PLD1: variants seen among roughly 807,000 people sequenced by gnomAD.
The protein encoded by PLD1 is phospholipase D1, also known as choline phosphatase 1.
PLD1 carries 112 observed loss-of-function variants against 137.1 expected under a neutral mutation model. The ratio of observed to expected loss-of-function variants is 0.82; its 90% CI spans 0.70 to 0.96. PLD1 has a LOEUF of 0.96. Ranked by LOEUF, PLD1 falls within the 40% of genes least tolerant of loss-of-function variation. The pLI is 0.00. For synonymous variants in PLD1, 431 were observed against 454.7 expected (o/e 0.95, Z 0.66); for missense variants, 1,321 against 1,342.0 (o/e 0.98, Z 0.24).
At chr3:171,789,122 G>A (rs954041092) in intron 1 of PLD1, 2 of 152,280 alleles carry the variant, frequency 1.3e-5, no homozygotes, top group Non-Finnish European at 1.5e-5. Flanking sequence ...AGCATGCTAA[G>A]AAAATGGTGG....
chr3:171,689,336 T>C (rs1452387789), intron 13 of PLD1, among the ~76,000 whole-genome samples: 1 of 152,238 alleles, frequency 6.6e-6, no homozygotes, highest in Non-Finnish European at 1.5e-5. Flanking sequence ...CATATAGATA[T>C]TTTGGCAGCT....
At chr3:171,800,685 A>G (rs1723608589) in intron 1 of PLD1, among the ~76,000 whole-genome samples, 1 of 152,178 alleles carries the variant, frequency 6.6e-6, no homozygotes, top group Admixed American at 6.5e-5. Context: ...ACAAAATACC[A>G]TAGACTAGGT....
At chr3:171,626,027 G>T (rs997978799) in intron 23 of PLD1, among the ~76,000 whole-genome samples, 54 of 152,238 alleles carry the variant, frequency 3.5e-4, no homozygotes, top group African/African-American at 1.2e-3. Flanking sequence ...GTTGAGAGAA[G>T]AAGACTTCAG....
In PLD1 at chr3:171,676,792, C is replaced by G; in HGVS notation, c.2038G>C (p.Asp680His). Residue 680 changes from aspartate to histidine, a missense_variant, in exon 18 of 27, where the codon GAC (aspartate) becomes CAC (histidine). By Grantham distance (81) the Asp-to-His change is moderately conservative. Coordinates refer to ENST00000351298, the MANE Select transcript of PLD1 (RefSeq NM_002662.5). Reference protein sequence around the residue: ...RYSTPRMPWHDIASAVHGKAA... With the variant: ...RYSTPRMPWHHIASAVHGKAA... ...TTCCCGTGGACTGCAGAGGCAATGT[C>G]ATGCCAGGGCATCCGGGGCGTGGAG... is the stretch of plus-strand genomic sequence containing the variant. 6.2e-7 allele frequency: 1 copy of G among 1,614,196 alleles called. No homozygotes were observed. Among genetic ancestry groups the G allele is most frequent in the Non-Finnish European group, 8.5e-7 (1 of 1,180,022 alleles).
At chr3:171,674,449 T>A (rs929345352) in intron 19 of PLD1, 51 bp downstream of exon 19, 1 of 946,680 alleles carries the variant, frequency 1.1e-6, no homozygotes, top group South Asian at 1.5e-5. Context: ...CCAATAACAG[T>A]AATTTTACTC....
intron 1 of PLD1, among the ~76,000 whole-genome samples, chr3:171,746,048 C>T (rs1018698582): frequency 1.3e-5 from 2 of 152,184 alleles, no homozygotes; most frequent in East Asian, 1.9e-4. Context: ...GCGGAGGGTA[C>T]GCCGGGTCCC....
At chr3:171,720,863 C>T (rs1718078490) in intron 8 of PLD1, among the ~76,000 whole-genome samples, 1 of 152,138 alleles carries the variant, frequency 6.6e-6, no homozygotes, top group Admixed American at 6.5e-5. Flanking sequence ...CAAAGCCTTT[C>T]CCTCACCTTT....
Position 171,714,009 on chromosome 3 carries a change from CAT to C in PLD1, c.793_794del (p.Met265GlufsTer20). The C allele has an allele frequency of 6.2e-7, 1 of 1,608,426 alleles. No homozygotes were observed. The highest frequency in any genetic ancestry group is 8.5e-7 in the Non-Finnish European group (1 of 1,174,976). On this transcript the variant is annotated frameshift_variant, in exon 9 of 27. Coordinates refer to ENST00000351298, the MANE Select transcript of PLD1 (RefSeq NM_002662.5). LOFTEE classifies it high-confidence loss of function. ...LIVKDSFLLY[M>X]KPDSGAIAFV... The stretch of plus-strand genomic sequence containing the variant: ...AGGCAATGGCACCGCTGTCTGGTTT[CAT>C]ATACAATAAAAAGGAATCTTTCACT...
At chr3:171,658,399 C>A (rs1465817203) in intron 21 of PLD1, among the ~76,000 whole-genome samples, 1 of 152,090 alleles carries the variant, frequency 6.6e-6, no homozygotes. Flanking sequence ...GTAGAAACAA[C>A]CCAAATGTCC....
intron 1 of PLD1, among the ~76,000 whole-genome samples, chr3:171,805,633 C>T (rs545982467): frequency 1.3e-5 from 2 of 151,740 alleles, no homozygotes; most frequent in South Asian, 2.1e-4. Flanking sequence ...TTTCGTTTTC[C>T]GAAAAATAAA....
chr3:171,612,139 T>A lies in PLD1; in HGVS notation c.2882+140A>T, dbSNP rs909988779. On this transcript the variant is annotated intron_variant, in intron 25 of 26. Coordinates refer to ENST00000351298, the MANE Select transcript of PLD1 (RefSeq NM_002662.5). This position sits in a 1 kb window ranked among gnomAD's most constrained non-coding sequence, Gnocchi z 4.1. ...AAGTCATTTCGCATACTACTGGTGGTACATATCCTATATTCTGGGACACAC... is the reference window on the plus strand; with the variant it reads ...AAGTCATTTCGCATACTACTGGTGGAACATATCCTATATTCTGGGACACAC... The A allele has an allele frequency of 3.0e-6, 2 of 665,034 alleles. No individual in the cohort carries two copies. Among genetic ancestry groups the A allele is most frequent in the Non-Finnish European group, 5.2e-6 (2 of 383,516 alleles). 41.2% of individuals were successfully genotyped at this position (665,034 alleles called of 1,614,324 possible).
intron 23 of PLD1, among the ~76,000 whole-genome samples, chr3:171,631,335 G>A (rs1228136016): frequency 3.3e-5 from 5 of 152,116 alleles, no homozygotes; most frequent in South Asian, 2.1e-4. Flanking sequence ...AATGGGAGCC[G>A]TGTTTCTCAC....
At position 171,799,337 on chromosome 3, in the gene PLD1, T is replaced by TA. The variant is rs758379833; in HGVS notation, c.-32+11061dup. On this transcript the variant is annotated intron_variant, in intron 1 of 26. Transcript: ENST00000351298. ...CTGGGCAACAGAACGAGACTCCGTC[T>TA]AAAAAAAAAAAAAAAAAAAAAAAAA... Among the ~76,000 whole-genome samples the TA allele has an allele frequency of 5.9e-3, 341 of 57,692 alleles. 1 individual carries two copies. Among genetic ancestry groups the TA allele is most frequent in the East Asian group, 0.017 (28 of 1,652 alleles). 37.8% of individuals were successfully genotyped at this position (57,692 alleles called of 152,430 possible).
chr3:171,676,836 G>C lies in PLD1; in HGVS notation c.1997-3C>G, dbSNP rs1713419253. The C allele has an allele frequency of 6.2e-7, 1 of 1,600,810 alleles. No individual in the cohort carries two copies. The highest frequency in any genetic ancestry group is 8.6e-7 in the Non-Finnish European group (1 of 1,168,146). On this transcript the variant is annotated splice_region_variant and splice_polypyrimidine_tract_variant and intron_variant, in intron 17 of 26. Coordinates refer to ENST00000351298, the MANE Select transcript of PLD1 (RefSeq NM_002662.5). ...CGTGGAGTACCTGTCAATGAAATCT[G>C]CCCGGGTGCACCAGGCAAGGATCAG...
intron 1 of PLD1, among the ~76,000 whole-genome samples, chr3:171,760,756 C>T (rs1246091920): frequency 3.9e-5 from 6 of 152,158 alleles, no homozygotes; most frequent in Non-Finnish European, 7.3e-5. Context: ...TAAGGGGGAC[C>T]TGAGGAACTC....
Position 171,631,064 on chromosome 3 carries a change from AAATGT to A in PLD1, c.2594-10549_2594-10545del, listed in dbSNP as rs555814706. Among the ~76,000 whole-genome samples, 279 of 152,284 alleles carry A rather than the reference AAATGT, an allele frequency of 1.8e-3. 1 individual carries two copies. Among genetic ancestry groups the A allele is most frequent in the African/African-American group, 5.9e-3 (244 of 41,560 alleles). On this transcript the variant is annotated intron_variant, in intron 23 of 26. Coordinates refer to ENST00000351298, the MANE Select transcript of PLD1 (RefSeq NM_002662.5). The stretch of plus-strand genomic sequence containing the variant: ...GGCTGAATAATTAAAAAAAACTCTG[AAATGT>A]AATATAAACCAAAGTAAATGAACCA...
At chr3:171,676,873 A>C (rs1281761403) in intron 17 of PLD1, 40 bp from the exon 18 acceptor site, 2 of 1,404,794 alleles carry the variant, frequency 1.4e-6, no homozygotes, top group Non-Finnish European at 2.0e-6. Context: ...CATTAACTTC[A>C]GTGTTGGGGC....
intron 19 of PLD1, among the ~76,000 whole-genome samples, chr3:171,664,977 G>A (rs934286533): frequency 2.0e-5 from 3 of 152,152 alleles, no homozygotes; most frequent in Admixed American, 1.3e-4. Context: ...GTCCACCTCT[G>A]TAAAAAGTTA....
chr3:171,804,566 A>G (rs1015169197), intron 1 of PLD1, among the ~76,000 whole-genome samples: 1 of 152,190 alleles, frequency 6.6e-6, no homozygotes, highest in African/African-American at 2.4e-5. Context: ...GCCCTCTCAC[A>G]CGGAAGACAG....
Sources: allele counts gnomAD v4.1 joint callset (sites outside exome capture counted in the v4.1 genomes callset), GRCh38; gene constraint gnomAD v4.1.1; non-coding constraint Gnocchi (gnomAD v3.1); transcripts MANE v1.5; gene names NCBI Gene and HGNC (gene_info 2026-07-23, HGNC 2026-07-21).